Variants in LRBA observed in about 807,000 individuals in gnomAD.
LRBA encodes LPS responsive beige-like anchor protein, also known as lipopolysaccharide-responsive and beige-like anchor protein.
A neutral mutation model predicts 330.0 loss-of-function variants in LRBA; 176 were observed. That is an observed-to-expected ratio of 0.53 (90% confidence interval 0.47 to 0.60). The LOEUF (loss-of-function observed/expected upper bound fraction) is 0.60, where lower values mean the gene tolerates loss of function less well. LRBA is among the 20% of genes least tolerant of loss of function. The probability of loss-of-function intolerance (pLI) is 0.00; values close to 1 mark genes in which losing one functional copy is unlikely to be tolerated. For missense variants in LRBA, 3,259 were observed against 3,444.8 expected, an observed-to-expected ratio of 0.95 and a Z score of 1.35; for synonymous variants, 1,230 against 1,193.0, an observed-to-expected ratio of 1.03 and a Z score of -0.64.
intron 21 of LRBA, 31 bp from the exon 22 acceptor site, chr4:150,867,894 G>A: frequency 6.7e-7 from 1 of 1,502,336 alleles, no homozygotes; most frequent in Admixed American, 2.1e-5. Context: ...CTAAATTACT[G>A]AAGAAAAAAA....
At chr4:150,489,200 TATATATTATATATACGAATATATA>T (rs1561249936) in intron 41 of LRBA, among the ~76,000 whole-genome samples, 29 of 63,816 alleles carry the variant, frequency 4.5e-4, no homozygotes, top group African/African-American at 1.7e-3. Flanking sequence ...TATATATAAG[TATATATTATATATACGAATATATA>T]ATATATTATA....
intron 36 of LRBA, chr4:150,683,974 C>A: frequency 6.0e-6 from 2 of 331,262 alleles, no homozygotes; most frequent in South Asian, 1.4e-4. Context: ...GAGACAAAGA[C>A]AGTCTTGTAA....
At chr4:150,799,121 C>A (rs998446867) in intron 33 of LRBA, among the ~76,000 whole-genome samples, 12 of 152,112 alleles carry the variant, frequency 7.9e-5, no homozygotes, top group Admixed American at 3.3e-4. Flanking sequence ...CGCATGTTGG[C>A]ATTTTTTAGC....
chr4:150,718,756 C>T (rs1389268060), intron 36 of LRBA, among the ~76,000 whole-genome samples: 1 of 151,972 alleles, frequency 6.6e-6, no homozygotes, highest in Non-Finnish European at 1.5e-5. Flanking sequence ...TCTCATAGCA[C>T]AATGATTAAA....
intron 40 of LRBA, among the ~76,000 whole-genome samples, chr4:150,569,378 AT>A (rs1288043676): frequency 6.6e-6 from 1 of 152,186 alleles, no homozygotes; most frequent in African/African-American, 2.4e-5. Context: ...GATTTTAAAA[AT>A]GTAAATAACT....
chr4:150,353,702 T>C (rs1737465406), intron 47 of LRBA, among the ~76,000 whole-genome samples: 1 of 152,154 alleles, frequency 6.6e-6, no homozygotes, highest in Admixed American at 6.5e-5. Context: ...CATGCAGAGA[T>C]CACCACAATG....
At chr4:150,989,903 G>A (rs534553339) in intron 2 of LRBA, among the ~76,000 whole-genome samples, 2 of 151,858 alleles carry the variant, frequency 1.3e-5, no homozygotes, top group East Asian at 3.9e-4. Context: ...GTGGGATAAT[G>A]GCTTAAGGCC....
At chr4:150,636,663 A>G (rs755334692) in intron 37 of LRBA, among the ~76,000 whole-genome samples, 3 of 152,106 alleles carry the variant, frequency 2.0e-5, no homozygotes, top group African/African-American at 7.2e-5. Flanking sequence ...ACGATGGCTC[A>G]TGCCCGTAAT....
intron 40 of LRBA, among the ~76,000 whole-genome samples, chr4:150,504,935 G>C (rs1215722742): frequency 1.3e-5 from 2 of 152,156 alleles, no homozygotes; most frequent in Non-Finnish European, 2.9e-5. Context: ...CCTAGTCTCT[G>C]AGAAAACAGA....
At chr4:151,002,878 G>A (rs1264143718) in intron 2 of LRBA, among the ~76,000 whole-genome samples, 2 of 152,004 alleles carry the variant, frequency 1.3e-5, no homozygotes, top group African/African-American at 4.8e-5. Flanking sequence ...GCTGGGTGTA[G>A]TGGCACCTGC....
At chr4:150,922,006 AGC>A (rs754169118) in intron 4 of LRBA, among the ~76,000 whole-genome samples, 2 of 152,078 alleles carry the variant, frequency 1.3e-5, no homozygotes, top group Non-Finnish European at 2.9e-5. Flanking sequence ...TACAGGCGTA[AGC>A]CACTGTGCCC....
chr4:150,268,875 C>T (rs2126697564), intron 56 of LRBA, among the ~76,000 whole-genome samples: 1 of 152,260 alleles, frequency 6.6e-6, no homozygotes, highest in African/African-American at 2.4e-5. Flanking sequence ...TCCAACAGTA[C>T]TGAAAGTCCT....
In LRBA at chr4:150,989,534, A is replaced by G. The variant is rs541605056; in HGVS notation, c.216+24893T>C. The stretch of plus-strand genomic sequence containing the variant: ...AGGCTGAGGTGAGAGAATCGCTTGA[A>G]CCCGGAAGGCACAGGCTGCAGTGAG... On this transcript the variant is annotated intron_variant, in intron 2 of 56. Coordinates refer to ENST00000651943, the MANE Select transcript of LRBA (RefSeq NM_001364905.1). Among the ~76,000 whole-genome samples the G allele has an allele frequency of 2.6e-5, 4 of 151,806 alleles. No individual in the cohort carries two copies. The South Asian group carries it at 8.3e-4, about 32-fold the overall frequency.
At chr4:150,867,188 C>T (rs552850423) in intron 22 of LRBA, among the ~76,000 whole-genome samples, 1 of 150,644 alleles carries the variant, frequency 6.6e-6, no homozygotes, top group East Asian at 2.0e-4. Context: ...ACAGGGCAGA[C>T]ATCACCCAGA....
intron 2 of LRBA, among the ~76,000 whole-genome samples, chr4:151,010,053 TG>T (rs1316147115): frequency 2.0e-5 from 3 of 152,068 alleles, no homozygotes; most frequent in African/African-American, 7.2e-5. Flanking sequence ...GGAAGATACA[TG>T]TAAGTTATAT....
At chr4:150,425,630 C>A (rs1471088175) in intron 46 of LRBA, among the ~76,000 whole-genome samples, 4 of 152,138 alleles carry the variant, frequency 2.6e-5, no homozygotes, top group Non-Finnish European at 4.4e-5. Context: ...ACAACCTTTG[C>A]AGCCAGGCTG....
rs1742600311 is a variant in LRBA at position 150,805,538 on chromosome 4, G to GAA, written c.5518+732_5518+733insTT. 1.8e-3 allele frequency among the ~76,000 whole-genome samples: 124 copies of GAA among 70,632 alleles called. 7 individuals carry two copies. Among genetic ancestry groups the GAA allele is most frequent in the African/African-American group, 7.0e-3 (103 of 14,792 alleles). The allele number at this position is 70,632 out of a possible 152,430, so 46.3% of individuals were successfully genotyped here. Reference sequence around the variant, plus strand: ...GGAAAGGAAAAGGAAAGGAAAGGAAGGGAGAAGGAAAGGAAAGGAAAGGAA... The same window carrying GAA: ...GGAAAGGAAAAGGAAAGGAAAGGAAGAAGGAGAAGGAAAGGAAAGGAAAGGAA... On this transcript the variant is annotated intron_variant, in intron 33 of 56. Transcript: ENST00000651943.
intron 47 of LRBA, among the ~76,000 whole-genome samples, chr4:150,389,911 ATTTTT>A (rs34355782): frequency 1.8e-5 from 2 of 111,708 alleles, no homozygotes; most frequent in Non-Finnish European, 3.6e-5. Context: ...TTGTCTGGGT[ATTTTT>A]TTTTTTTTTT....
rs115439504 is a variant in LRBA, at chr4:150,811,320, G to C, written c.5306-2922C>G. Among the ~76,000 whole-genome samples, 1,260 of 151,894 alleles carry C rather than the reference G, an allele frequency of 8.3e-3. 11 individuals carry two copies. Among genetic ancestry groups the C allele is most frequent in the Middle Eastern group, 0.017 (5 of 294 alleles). On this transcript the variant is annotated intron_variant, in intron 31 of 56. Transcript: ENST00000651943. The stretch of plus-strand genomic sequence containing the variant: ...ATTAGGATTATTGATGGATTTTCTT[G>C]AGCTTTTCTGAAGCTAATACAAAGG...
Sources: gnomAD v4.1 joint callset for allele counts (sites outside exome capture counted in the v4.1 genomes callset) on GRCh38, gnomAD v4.1.1 for gene constraint, MANE v1.5 for transcripts, NCBI Gene and HGNC (gene_info 2026-07-23, HGNC 2026-07-21) for gene names.